INCENP: variants seen among roughly 807,000 people sequenced by gnomAD.
The protein encoded by INCENP is inner centromere protein, also known as binds and activates aurora-B and -C in vivo and in vitro.
Under a neutral mutation model 107.3 loss-of-function variants are expected in INCENP, and 43 were observed. The ratio of observed to expected loss-of-function variants is 0.40; its 90% CI spans 0.31 to 0.52. The LOEUF (loss-of-function observed/expected upper bound fraction) is 0.52, where lower values mean the gene tolerates loss of function less well. INCENP is among the 20% of genes least tolerant of loss of function. The pLI is 0.53. For synonymous variants in INCENP, 488 were observed against 494.4 expected (o/e 0.99, Z 0.17); for missense variants, 1,089 against 1,250.9 (o/e 0.87, Z 1.95).
chr11:62,125,911 A>G (rs755654567), intron 1 of INCENP, among the ~76,000 whole-genome samples: 2 of 152,250 alleles, frequency 1.3e-5, no homozygotes, highest in Non-Finnish European at 2.9e-5. Flanking sequence ...AATTACAATC[A>G]ATGAATGGGA....
intron 1 of INCENP, among the ~76,000 whole-genome samples, chr11:62,125,818 G>T (rs1413111719): frequency 6.6e-6 from 1 of 152,236 alleles, no homozygotes; most frequent in East Asian, 1.9e-4. Flanking sequence ...ACAGACAGGG[G>T]TTTGCCCTCA....
intron 5 of INCENP, 64 bp from the exon 6 acceptor site, chr11:62,138,649 A>C: frequency 6.7e-7 from 1 of 1,502,592 alleles, no homozygotes; most frequent in Non-Finnish European, 9.2e-7. Context: ...TGGTAGAGGG[A>C]CTCCCTAGGG....
At chr11:62,127,449 G>T (rs903661755) in intron 1 of INCENP, among the ~76,000 whole-genome samples, 2 of 152,234 alleles carry the variant, frequency 1.3e-5, no homozygotes, top group African/African-American at 4.8e-5. Context: ...TTAAAAGCAA[G>T]ATATTGCTTA....
intron 7 of INCENP, among the ~76,000 whole-genome samples, chr11:62,139,481 G>T (rs1944064588): frequency 6.6e-6 from 1 of 152,210 alleles, no homozygotes; most frequent in Non-Finnish European, 1.5e-5. Flanking sequence ...TCCCTGAGAA[G>T]GGTGCCTCTC....
chr11:62,151,201 G>A (rs926795161), intron 18 of INCENP, among the ~76,000 whole-genome samples: 1 of 152,204 alleles, frequency 6.6e-6, no homozygotes, highest in Non-Finnish European at 1.5e-5. Flanking sequence ...GGCCCTTAGA[G>A]CCGCACCTGG....
rs1746638784 is a variant in INCENP at position 62,129,946 on chromosome 11, C to T, written c.419C>T (p.Ala140Val). 2.5e-6 allele frequency: 4 copies of T among 1,613,946 alleles called. No homozygotes were observed. The South Asian group carries it at 4.4e-5, about 18-fold the overall frequency. ...AAAAATMALA[A>V]PSSPTPESPT... ...GCCGCGGCTACCATGGCATTGGCTG[C>T]ACCTTCTTCACCCACCCCTGAGTCT... Residue 140 changes from alanine (A) to valine (V), a missense_variant, in exon 4 of 19, where the codon GCA becomes GTA. Coordinates refer to ENST00000394818, the MANE Select transcript of INCENP (RefSeq NM_001040694.2).
chr11:62,128,417 G>A (rs1324747615), intron 2 of INCENP, 116 bp downstream of exon 2: 1 of 1,134,390 alleles, frequency 8.8e-7, no homozygotes, highest in African/African-American at 1.5e-5. Context: ...CAGCCTGTCA[G>A]GGCTCCCTGC....
At chr11:62,130,759 C>T (rs1169252617) in intron 4 of INCENP, among the ~76,000 whole-genome samples, 169 bp downstream of exon 4, 3 of 152,172 alleles carry the variant, frequency 2.0e-5, no homozygotes, top group East Asian at 1.9e-4. Context: ...CCTCATCTGG[C>T]GATTGTGTCC....
chr11:62,127,048 T>TG (rs1565088817), intron 1 of INCENP, among the ~76,000 whole-genome samples: 1 of 151,672 alleles, frequency 6.6e-6, no homozygotes, highest in Non-Finnish European at 1.5e-5. Flanking sequence ...GTTTTGTTTT[T>TG]TTTTTTTTGA....
Position 62,138,923 on chromosome 11 carries a change from C to T in INCENP, c.1209C>T (p.His403=). Residue 403 remains histidine (H), a synonymous_variant, in exon 7 of 19, where the codon CAC becomes CAT. Coordinates refer to ENST00000394818, the MANE Select transcript of INCENP (RefSeq NM_001040694.2). Reference sequence around the variant, plus strand: ...ACAATGGAAATAACTCGTGGCCCCACAATGACACGGAGATTGCCAACAGCA... The same window carrying T: ...ACAATGGAAATAACTCGTGGCCCCATAATGACACGGAGATTGCCAACAGCA... ...PENNGNNSWP[H]NDTEIANSTP... The T allele has an allele frequency of 6.2e-7, 1 of 1,614,054 alleles. No individual in the cohort carries two copies. The highest frequency in any genetic ancestry group is 8.5e-7 in the Non-Finnish European group (1 of 1,179,892).
chr11:62,136,526 A>G (rs987067342), intron 4 of INCENP, among the ~76,000 whole-genome samples: 2 of 152,128 alleles, frequency 1.3e-5, no homozygotes, highest in African/African-American at 4.8e-5. Flanking sequence ...CTAAAAATAT[A>G]AAAAATTAGC....
rs1420511492 is a variant in INCENP, at chr11:62,145,846, T to G, written c.1959+95T>G. 2.8e-5 allele frequency: 40 copies of G among 1,410,896 alleles called. No homozygotes were observed. The East Asian group carries it at 9.6e-4, about 34-fold the overall frequency. 87.4% of individuals were successfully genotyped at this position (1,410,896 alleles called of 1,614,324 possible). A position where few individuals can be genotyped will look rare whatever the true frequency, so the allele number is the denominator to read the frequency against. ...ACTGGGTGCACCCCACCTTGTGGGG[T>G]TGACCCAGACCATCTTGTTGCTTCA... is the stretch of plus-strand genomic sequence containing the variant. On this transcript the variant is annotated intron_variant, in intron 14 of 18. Coordinates refer to ENST00000394818, the MANE Select transcript of INCENP (RefSeq NM_001040694.2).
At chr11:62,128,648 TG>T (rs1943810574) in intron 2 of INCENP, 121 bp from the exon 3 acceptor site, 7 of 731,562 alleles carry the variant, frequency 9.6e-6, no homozygotes, top group Non-Finnish European at 2.4e-6. Flanking sequence ...AGAGCTCACT[TG>T]GTGCTGGACA....
chr11:62,145,022 A>G lies in INCENP; in HGVS notation c.1646A>G (p.Glu549Gly). Residue 549 changes from glutamate (E) to glycine (G), a missense_variant, in exon 12 of 19, where the codon GAG becomes GGG. By Grantham distance (98) the Glu-to-Gly change is moderately conservative (BLOSUM62 -2). Transcript: ENST00000394818. The part of the protein sequence containing the change: ...RQRLENLRRK[E>G]EAEQLRRQKV... ...CGCCTGGAGAATCTGCGGCGGAAGG[A>G]GGAGGCCGAGCAGCTGCGCAGGCAG... 2 of 1,607,990 alleles carry G rather than the reference A, an allele frequency of 1.2e-6. No homozygotes were observed. Among genetic ancestry groups the G allele is most frequent in the Non-Finnish European group, 1.7e-6 (2 of 1,178,292 alleles).
rs1944049659 is a variant in INCENP, at chr11:62,138,894, G to A, written c.1180G>A (p.Glu394Lys). 3.1e-6 allele frequency: 5 copies of A among 1,613,104 alleles called. No individual in the cohort carries two copies. ...GCCTTGGTTCTTTCCACAGGTCCCT[G>A]AGAACAATGGAAATAACTCGTGGCC... ...PVAAAEPEVP[E>K]NNGNNSWPHN... Residue 394 changes from glutamate to lysine, a missense_variant, in exon 7 of 19, where the codon GAG (glutamate) becomes AAG (lysine). By Grantham distance (56) the Glu-to-Lys change is moderately conservative (BLOSUM62 1). Transcript: ENST00000394818.
At chr11:62,146,224 G>A (rs1944239788) in intron 14 of INCENP, among the ~76,000 whole-genome samples, 1 of 152,154 alleles carries the variant, frequency 6.6e-6, no homozygotes, top group Admixed American at 6.5e-5. Flanking sequence ...TCTAGAGAAG[G>A]CAAATCCACC....
At chr11:62,141,753 T>G in intron 11 of INCENP, 1 of 602,376 alleles carries the variant, frequency 1.7e-6, no homozygotes, top group East Asian at 2.8e-5. Context: ...AGCAAGGGGG[T>G]GTGGCTTTTC....
At chr11:62,150,642 C>T (rs1253708270) in intron 18 of INCENP, among the ~76,000 whole-genome samples, 2 of 152,108 alleles carry the variant, frequency 1.3e-5, no homozygotes, top group Non-Finnish European at 2.9e-5. Flanking sequence ...CCAGCCAGCT[C>T]GGGGAGGCAG....
At chr11:62,135,881 C>G (rs1429037805) in intron 4 of INCENP, among the ~76,000 whole-genome samples, 2 of 152,084 alleles carry the variant, frequency 1.3e-5, no homozygotes, top group Admixed American at 6.5e-5. Flanking sequence ...ACAATCTCAG[C>G]TCACTGCAAG....
Sources: gnomAD v4.1 joint callset for allele counts (sites outside exome capture counted in the v4.1 genomes callset) on GRCh38, gnomAD v4.1.1 for gene constraint, MANE v1.5 for transcripts, NCBI Gene and HGNC (gene_info 2026-07-23, HGNC 2026-07-21) for gene names.